DLG2: variants seen among roughly 807,000 people sequenced by gnomAD.
DLG2 encodes the protein discs large MAGUK scaffold protein 2, also known as disks large homolog 2.
A neutral mutation model predicts 132.5 loss-of-function variants in DLG2; 45 were observed. The ratio of observed to expected loss-of-function variants is 0.34; its 90% CI spans 0.27 to 0.44. DLG2 has a LOEUF of 0.44. DLG2 is among the 20% of genes least tolerant of loss of function. The pLI, the probability that DLG2 is intolerant of heterozygous loss-of-function variation, is 1.00. For missense variants in DLG2, 1,045 were observed against 1,196.9 expected, an observed-to-expected ratio of 0.87 and a Z score of 1.87; for synonymous variants, 424 against 419.6, an observed-to-expected ratio of 1.01 and a Z score of -0.13.
intron 14 of DLG2, among the ~76,000 whole-genome samples, chr11:83,950,423 T>C (rs2085121459): frequency 6.6e-6 from 1 of 152,172 alleles, no homozygotes; most frequent in Non-Finnish European, 1.5e-5. Flanking sequence ...GGTGAAACCC[T>C]GCCTCTACTA....
intron 6 of DLG2, among the ~76,000 whole-genome samples, chr11:84,570,041 A>G (rs1036108861): frequency 6.6e-6 from 1 of 152,134 alleles, no homozygotes; most frequent in African/African-American, 2.4e-5. Context: ...TGAATGTTGG[A>G]AAGGATGAAG....
chr11:85,004,424 A>G (rs1404854271), intron 6 of DLG2, among the ~76,000 whole-genome samples: 3 of 152,044 alleles, frequency 2.0e-5, no homozygotes, highest in African/African-American at 7.2e-5. Flanking sequence ...AGCTGGTGTG[A>G]GATGGTGTCT....
intron 3 of DLG2, among the ~76,000 whole-genome samples, chr11:85,592,665 G>A (rs1282383961): frequency 1.3e-5 from 2 of 152,110 alleles, no homozygotes; most frequent in African/African-American, 4.8e-5. Context: ...ATATTCTATT[G>A]TAAGGCTGGG....
At chr11:84,558,475 C>A (rs574515714) in intron 6 of DLG2, among the ~76,000 whole-genome samples, 5 of 152,192 alleles carry the variant, frequency 3.3e-5, no homozygotes, top group African/African-American at 1.2e-4. Context: ...CAAGCAGAAA[C>A]CTTTTTTTCT....
At chr11:84,831,785 G>GA (rs1426713853) in intron 6 of DLG2, among the ~76,000 whole-genome samples, 3 of 151,422 alleles carry the variant, frequency 2.0e-5, no homozygotes, top group Admixed American at 1.3e-4. Context: ...TCCCCTCACA[G>GA]AAAAAAAGTT....
intron 6 of DLG2, among the ~76,000 whole-genome samples, chr11:84,800,158 C>T (rs533721637): frequency 7.9e-5 from 12 of 152,060 alleles, no homozygotes; most frequent in African/African-American, 2.4e-4. Context: ...AGAGTAAGAC[C>T]CAATACACAG....
chr11:84,581,443 C>T (rs2099516062), intron 6 of DLG2, among the ~76,000 whole-genome samples: 1 of 152,076 alleles, frequency 6.6e-6, no homozygotes. Context: ...CCTAAAGGAA[C>T]ATGGAAAGAG....
At chr11:83,519,007 C>A (rs149099355) in intron 21 of DLG2, among the ~76,000 whole-genome samples, 1,622 of 152,242 alleles carry the variant, frequency 0.011, 16 homozygotes, top group Middle Eastern at 0.02. Flanking sequence ...GAAAACCCAT[C>A]AAGTGTGGGG....
intron 19 of DLG2, among the ~76,000 whole-genome samples, chr11:83,619,303 A>C (rs2061308682): frequency 6.6e-6 from 1 of 152,216 alleles, no homozygotes; most frequent in South Asian, 2.1e-4. Flanking sequence ...TATATTTCCC[A>C]AAACTTATAG....
At chr11:84,630,731 A>G (rs898816308) in intron 6 of DLG2, among the ~76,000 whole-genome samples, 12 of 152,050 alleles carry the variant, frequency 7.9e-5, no homozygotes, top group Non-Finnish European at 1.6e-4. Flanking sequence ...ATTCACCTCA[A>G]TATTATTCTG....
chr11:84,494,933 T>G (rs1057458633), intron 7 of DLG2, among the ~76,000 whole-genome samples: 4 of 152,254 alleles, frequency 2.6e-5, no homozygotes, highest in Middle Eastern at 3.4e-3. Context: ...ATTCTCAAAT[T>G]ATTTAGCTTT....
At chr11:85,066,763 A>C (rs1170518887) in intron 6 of DLG2, among the ~76,000 whole-genome samples, 2 of 151,722 alleles carry the variant, frequency 1.3e-5, no homozygotes, top group Non-Finnish European at 3.0e-5. Context: ...AAAAATCATC[A>C]ACAAACTTAG....
chr11:84,617,901 A>C, intron 6 of DLG2, among the ~76,000 whole-genome samples: 1 of 152,138 alleles, frequency 6.6e-6, no homozygotes, highest in African/African-American at 2.4e-5. Context: ...TTTAAAAAAT[A>C]GGTAAAAACA....
chr11:84,976,613 T>C (rs1463334193), intron 6 of DLG2, among the ~76,000 whole-genome samples: 1 of 152,194 alleles, frequency 6.6e-6, no homozygotes, highest in Non-Finnish European at 1.5e-5. Context: ...TAGACTTCTA[T>C]TTATTATTTT....
At chr11:85,617,180 T>C (rs1315610291) in intron 2 of DLG2, among the ~76,000 whole-genome samples, 1 of 152,246 alleles carries the variant, frequency 6.6e-6, no homozygotes, top group African/African-American at 2.4e-5. Flanking sequence ...TCCCTTCTTT[T>C]AGTAGCCAAA....
chr11:85,245,824 C>T (rs997188251), intron 4 of DLG2, among the ~76,000 whole-genome samples: 19 of 152,042 alleles, frequency 1.2e-4, no homozygotes, highest in African/African-American at 3.9e-4. Flanking sequence ...CCTCAATGTC[C>T]TCCCTGCTTT....
At chr11:84,483,348 C>G (rs2099142644) in intron 7 of DLG2, among the ~76,000 whole-genome samples, 1 of 149,894 alleles carries the variant, frequency 6.7e-6, no homozygotes, top group Non-Finnish European at 1.5e-5. Context: ...AGAAGAATCC[C>G]TTGAGCCCGG....
At chr11:85,533,814 G>A (rs1481951027) in intron 3 of DLG2, among the ~76,000 whole-genome samples, 2 of 152,284 alleles carry the variant, frequency 1.3e-5, no homozygotes, top group East Asian at 3.9e-4. Flanking sequence ...TACTAATGTA[G>A]CTGAGCTAAT....
intron 3 of DLG2, among the ~76,000 whole-genome samples, chr11:85,421,852 C>T (rs545310182): frequency 7.9e-5 from 12 of 152,168 alleles, no homozygotes; most frequent in Non-Finnish European, 1.3e-4. Flanking sequence ...TTTAGAGCTC[C>T]TTTTAGCAGT....
Sources: gnomAD v4.1 joint callset for allele counts (sites outside exome capture counted in the v4.1 genomes callset) on GRCh38, gnomAD v4.1.1 for gene constraint, MANE v1.5 for transcripts, NCBI Gene and HGNC (gene_info 2026-07-23, HGNC 2026-07-21) for gene names.